The following FBLIM1 variants were observed in gnomAD, a reference collection of about 807,000 sequenced individuals.
The protein encoded by FBLIM1 is filamin binding LIM protein 1, also known as filamin-binding LIM protein 1.
Under a neutral mutation model 37.4 loss-of-function variants are expected in FBLIM1, and 29 were observed. The ratio of observed to expected loss-of-function variants is 0.77; its 90% CI spans 0.58 to 1.06. The LOEUF is 1.06. Among genes scored for constraint, FBLIM1 ranks in the 50% least tolerant of loss-of-function variants. The pLI, the probability that FBLIM1 is intolerant of heterozygous loss-of-function variation, is 0.00. For missense variants in FBLIM1, 449 were observed against 505.6 expected, an observed-to-expected ratio of 0.89 and a Z score of 1.07; for synonymous variants, 193 against 199.0, an observed-to-expected ratio of 0.97 and a Z score of 0.25.
At chr1:15,760,694 C>G (rs2068634704) in intron 1 of FBLIM1, among the ~76,000 whole-genome samples, 2 of 152,070 alleles carry the variant, frequency 1.3e-5, no homozygotes, top group South Asian at 4.1e-4. Context: ...TCTAGCTGGT[C>G]TGGGTGGCTG....
intron 8 of FBLIM1, among the ~76,000 whole-genome samples, chr1:15,784,253 C>G (rs2069720081): frequency 6.6e-6 from 1 of 152,166 alleles, no homozygotes; most frequent in South Asian, 2.1e-4. Context: ...CCCCAACTTT[C>G]CCTGAACCCT....
chr1:15,766,681 G>A (rs746704424), intron 3 of FBLIM1, among the ~76,000 whole-genome samples: 4 of 150,662 alleles, frequency 2.7e-5, no homozygotes, highest in Non-Finnish European at 4.4e-5. Flanking sequence ...TGCAACCTCC[G>A]CCTCCTGGGT....
chr1:15,768,715 C>A, intron 5 of FBLIM1, 85 bp downstream of exon 5: 1 of 987,184 alleles, frequency 1.0e-6, no homozygotes, highest in Admixed American at 3.4e-5. Context: ...GAGTGAGGAC[C>A]CCTCTTCCCA....
chr1:15,765,088 TG>T lies in FBLIM1; in HGVS notation c.106del (p.Glu36ArgfsTer14). ...VAEEVRQAVC[E>X]ARRGRPWEAP... ...CGGAGGAAGTGAGGCAGGCAGTTTG[TG>T]AGGCCCGGCGTGGCCGCCCCTGGGA... On this transcript the variant is annotated frameshift_variant, in exon 3 of 9. Transcript: ENST00000375766. LOFTEE classifies it high-confidence loss of function. This position sits in a 1 kb window ranked among gnomAD's most constrained non-coding sequence, Gnocchi z 5.9. 1.9e-6 allele frequency: 3 copies of T among 1,613,930 alleles called. No homozygotes were observed. The East Asian group carries it at 6.7e-5, about 36-fold the overall frequency.
At chr1:15,763,565 A>G in intron 1 of FBLIM1, among the ~76,000 whole-genome samples, 1 of 149,970 alleles carries the variant, frequency 6.7e-6, no homozygotes, top group East Asian at 2.2e-4. Flanking sequence ...GAACCTGGGA[A>G]GTGGAGCTTG....
Position 15,765,304 on chromosome 1 carries a change from CGT to C in FBLIM1, c.250+72_250+73del. The C allele has an allele frequency of 1.3e-6, 2 of 1,507,806 alleles. No homozygotes were observed. The highest frequency in any genetic ancestry group is 1.8e-6 in the Non-Finnish European group (2 of 1,123,422). 93.4% of individuals were successfully genotyped at this position (1,507,806 alleles called of 1,614,324 possible). A position where few individuals can be genotyped will look rare whatever the true frequency, so the allele number is the denominator to read the frequency against. On this transcript the variant is annotated intron_variant, in intron 3 of 8. Coordinates refer to ENST00000375766, the MANE Select transcript of FBLIM1 (RefSeq NM_017556.4). The surrounding 1 kb of genome is among the most constrained non-coding windows in gnomAD (Gnocchi z 5.9). Reference sequence around the variant, plus strand: ...GTGGGGAGGAAAGGGCAGGCTCCAGCGTCATTCATTCATTCATTATTCATCCT... The same window carrying C: ...GTGGGGAGGAAAGGGCAGGCTCCAGCCATTCATTCATTCATTATTCATCCT...
At chr1:15,762,962 T>C (rs745570820) in intron 1 of FBLIM1, among the ~76,000 whole-genome samples, 7 of 151,860 alleles carry the variant, frequency 4.6e-5, no homozygotes, top group African/African-American at 1.5e-4. Flanking sequence ...GAAGAAACAC[T>C]GCAAGGCAAG....
chr1:15,765,718 G>T lies in FBLIM1; in HGVS notation c.250+485G>T, dbSNP rs577801618. ...CCAGCTGCTTGAAGCCGTCTACACC[G>T]AAGGCTGCCATCTGCCATCTGCTTA... On this transcript the variant is annotated intron_variant, in intron 3 of 8. Coordinates refer to ENST00000375766, the MANE Select transcript of FBLIM1 (RefSeq NM_017556.4). This position sits in a 1 kb window ranked among gnomAD's most constrained non-coding sequence, Gnocchi z 5.9. 3.9e-5 allele frequency among the ~76,000 whole-genome samples: 6 copies of T among 152,120 alleles called. No individual in the cohort carries two copies. In the South Asian group the frequency reaches 1.2e-3, roughly 31 times the overall value.
At position 15,777,219 on chromosome 1, in the gene FBLIM1, G is replaced by A. The variant is rs1227697925; in HGVS notation, c.940G>A (p.Asp314Asn). 1 of 1,613,288 alleles carries A rather than the reference G, an allele frequency of 6.2e-7. No homozygotes were observed. The highest frequency in any genetic ancestry group is 8.5e-7 in the Non-Finnish European group (1 of 1,179,386). Residue 314 changes from aspartate to asparagine, a missense_variant, in exon 8 of 9, where the codon GAT becomes AAT. Coordinates refer to ENST00000375766, the MANE Select transcript of FBLIM1 (RefSeq NM_017556.4). ...CTGTGAAAATCCCATCATCCCTCGGGATGGGAAAGATGCCTTCAAAATCGA... is the reference window on the plus strand; with the variant it reads ...CTGTGAAAATCCCATCATCCCTCGGAATGGGAAAGATGCCTTCAAAATCGA... The part of the protein sequence containing the change: ...SICENPIIPR[D>N]GKDAFKIECM...
At chr1:15,770,332 T>G in intron 5 of FBLIM1, 77 bp from the exon 6 acceptor site, 6 of 1,492,580 alleles carry the variant, frequency 4.0e-6, no homozygotes, top group Non-Finnish European at 5.5e-6. Context: ...TCGGGTATCC[T>G]GAGCATGTTC....
In FBLIM1 at chr1:15,770,434, C is replaced by G. The variant is rs760994321; in HGVS notation, c.567C>G (p.Thr189=). The G allele has an allele frequency of 1.9e-6, 3 of 1,613,582 alleles. No homozygotes were observed. Among genetic ancestry groups the G allele is most frequent in the Non-Finnish European group, 2.5e-6 (3 of 1,179,932 alleles). The change falls in exon 6 of 9, where the codon ACC becomes ACG. Residue 189 remains threonine, a synonymous_variant. Transcript: ENST00000375766. ...ACATCTGTGCCTTCTGCCACAAGAC[C>G]GTGTCCCCCCGAGAGCTGGCTGTGG... ...STDICAFCHK[T]VSPRELAVEA... is the part of the protein sequence containing the mutation.
chr1:15,781,552 T>C (rs2069639651), intron 8 of FBLIM1, among the ~76,000 whole-genome samples: 2 of 148,890 alleles, frequency 1.3e-5, no homozygotes, highest in African/African-American at 5.0e-5. Flanking sequence ...ATGAGGCTCT[T>C]GAACTGCAGC....
Position 15,770,579 on chromosome 1 carries a change from G to C in FBLIM1, c.711+1G>C, listed in dbSNP as rs144469979. ...ACCCCTCTGCGAACCCTGCTACCAG[G>C]TAACCCCTGCAGCAGACCTCTGGGT... On this transcript the variant is annotated splice_donor_variant, in intron 6 of 8. Transcript: ENST00000375766. LOFTEE classifies it high-confidence loss of function. 1 of 1,613,442 alleles carries C rather than the reference G, an allele frequency of 6.2e-7. No individual in the cohort carries two copies. The highest frequency in any genetic ancestry group is 8.5e-7 in the Non-Finnish European group (1 of 1,179,686).
intron 1 of FBLIM1, among the ~76,000 whole-genome samples, chr1:15,762,748 C>G (rs758882126): frequency 6.6e-6 from 1 of 152,206 alleles, no homozygotes; most frequent in Non-Finnish European, 1.5e-5. Flanking sequence ...ATGCAGACAC[C>G]GGTCAGACGC....
intron 4 of FBLIM1, 139 bp from the exon 5 acceptor site, chr1:15,768,389 A>G: frequency 1.9e-6 from 1 of 533,910 alleles, no homozygotes; most frequent in Non-Finnish European, 3.3e-6. Context: ...AGACTTACGC[A>G]GGTCCCTTGC....
intron 8 of FBLIM1, among the ~76,000 whole-genome samples, chr1:15,783,069 C>T (rs1348731218): frequency 2.0e-5 from 3 of 152,042 alleles, no homozygotes; most frequent in Non-Finnish European, 4.4e-5. Context: ...GCTGGGCTTA[C>T]AGGCGTGAGC....
At chr1:15,783,353 G>T (rs958137140) in intron 8 of FBLIM1, among the ~76,000 whole-genome samples, 3 of 152,000 alleles carry the variant, frequency 2.0e-5, no homozygotes, top group Admixed American at 6.6e-5. Context: ...TCACAGAAAG[G>T]CCCCTGGAGC....
At chr1:15,778,637 T>G (rs1400369521) in intron 8 of FBLIM1, among the ~76,000 whole-genome samples, 2 of 47,838 alleles carry the variant, frequency 4.2e-5, no homozygotes, top group Non-Finnish European at 8.7e-5. Flanking sequence ...AAGTGGAAGC[T>G]TCTTTTTCTT....
chr1:15,761,316 T>C (rs2068664323), intron 1 of FBLIM1, among the ~76,000 whole-genome samples: 2 of 152,078 alleles, frequency 1.3e-5, no homozygotes, highest in African/African-American at 4.8e-5. Flanking sequence ...TGGATGATGT[T>C]CCATTAGAAT....
Sources: allele counts gnomAD v4.1 joint callset (sites outside exome capture counted in the v4.1 genomes callset), GRCh38; gene constraint gnomAD v4.1.1; non-coding constraint Gnocchi (gnomAD v3.1); transcripts MANE v1.5; gene names NCBI Gene and HGNC (gene_info 2026-07-23, HGNC 2026-07-21).